The following ZBTB40 variants were observed in gnomAD, a reference collection of about 807,000 sequenced individuals.
The protein encoded by ZBTB40 is zinc finger and BTB domain-containing protein 40.
Under a neutral mutation model 117.5 loss-of-function variants are expected in ZBTB40, and 60 were observed. The ratio of observed to expected loss-of-function variants is 0.51; its 90% CI spans 0.41 to 0.63. The LOEUF (loss-of-function observed/expected upper bound fraction) is 0.63. ZBTB40 is among the 30% of genes least tolerant of loss of function. ZBTB40 has a pLI of 0.00. For missense variants in ZBTB40, 1,287 were observed against 1,498.5 expected (o/e 0.86, Z 2.33); for synonymous variants, 525 against 577.1 (o/e 0.91, Z 1.29).
At chr1:22,437,847 C>A (rs779830388) in intron 1 of ZBTB40, among the ~76,000 whole-genome samples, 1 of 131,402 alleles carries the variant, frequency 7.6e-6, no homozygotes, top group Non-Finnish European at 1.6e-5. Flanking sequence ...AAACTCTGGT[C>A]GGGTGTGGTG....
chr1:22,476,082 C>T (rs1290936458), intron 1 of ZBTB40, among the ~76,000 whole-genome samples: 1 of 152,128 alleles, frequency 6.6e-6, no homozygotes, highest in African/African-American at 2.4e-5. Flanking sequence ...ATTTAAGCAA[C>T]GTAGATTGAG....
intron 1 of ZBTB40, among the ~76,000 whole-genome samples, chr1:22,431,305 A>G (rs1285744180): frequency 6.8e-5 from 10 of 146,076 alleles, no homozygotes; most frequent in African/African-American, 2.5e-4. Context: ...TATATTGAAT[A>G]TACAGTATAT....
Position 22,431,064 on chromosome 1 carries a change from T to C in ZBTB40, c.-70+2050T>C, listed in dbSNP as rs11587788. Among the ~76,000 whole-genome samples, 1,278 of 151,984 alleles carry C rather than the reference T, an allele frequency of 8.4e-3. 6 individuals are homozygous for C. Among genetic ancestry groups the C allele is most frequent in the Non-Finnish European group, 0.014 (947 of 67,960 alleles). ...TTAATTGTTCAAATGTTCTGTATCC[T>C]TGCTTTTGTTCTCTCTTCTTTATCA... On this transcript the variant is annotated intron_variant, in intron 1 of 8. Transcript: ENST00000650433.
At chr1:22,524,104 T>C in intron 16 of ZBTB40, 114 bp from the exon 17 acceptor site, 1 of 1,034,908 alleles carries the variant, frequency 9.7e-7, no homozygotes, top group Non-Finnish European at 1.5e-6. Context: ...TGGATCCGCC[T>C]CCAAGCCTCG....
intron 1 of ZBTB40, among the ~76,000 whole-genome samples, chr1:22,446,000 A>G (rs1208223946): frequency 6.6e-6 from 1 of 152,234 alleles, no homozygotes; most frequent in African/African-American, 2.4e-5. Context: ...GTGAATTAAC[A>G]TGCTAAGAAC....
intron 2 of ZBTB40, among the ~76,000 whole-genome samples, chr1:22,491,161 C>T (rs182001688): frequency 2.8e-4 from 43 of 152,312 alleles, no homozygotes; most frequent in African/African-American, 9.9e-4. Flanking sequence ...TCCCAAAGTG[C>T]TGGGATTACA....
intron 3 of ZBTB40, among the ~76,000 whole-genome samples, chr1:22,492,614 A>G (rs1386710526): frequency 6.6e-6 from 1 of 152,236 alleles, no homozygotes; most frequent in African/African-American, 2.4e-5. Flanking sequence ...CAAGTAATAC[A>G]TGCCTTCTAA....
At chr1:22,466,284 G>A (rs1332443220) in intron 1 of ZBTB40, among the ~76,000 whole-genome samples, 3 of 152,182 alleles carry the variant, frequency 2.0e-5, no homozygotes, top group Admixed American at 6.5e-5. Context: ...CCATTCATAA[G>A]TTGATGGACA....
intron 1 of ZBTB40, among the ~76,000 whole-genome samples, chr1:22,467,086 T>G (rs1183317751): frequency 6.6e-6 from 1 of 152,200 alleles, no homozygotes; most frequent in Non-Finnish European, 1.5e-5. Context: ...TTAATACTAT[T>G]GCTGCGAATA....
At position 22,512,905 on chromosome 1, in the gene ZBTB40, G is replaced by A. The variant is rs1299733774; in HGVS notation, c.2462-19G>A. The A allele has an allele frequency of 6.2e-7, 1 of 1,613,872 alleles. No homozygotes were observed. The highest frequency in any genetic ancestry group is 1.7e-5 in the Admixed American group (1 of 60,020). ...TTAGTAGCATCTCTTCTGGCCTCTGGTGTGCTTGGCTTCCCTAGGCATGCA... is the reference window on the plus strand; with the variant it reads ...TTAGTAGCATCTCTTCTGGCCTCTGATGTGCTTGGCTTCCCTAGGCATGCA... On this transcript the variant is annotated intron_variant, in intron 11 of 17. Coordinates refer to ENST00000375647, the MANE Select transcript of ZBTB40 (RefSeq NM_014870.4).
chr1:22,489,970 C>T lies in ZBTB40; in HGVS notation c.22C>T (p.Arg8Trp), dbSNP rs376238380. Residue 8 changes from arginine (R) to tryptophan (W), a missense_variant, in exon 2 of 18, where the codon CGG becomes TGG. Arg to Trp is a moderately radical substitution (Grantham distance 101). This residue lies in a region of ZBTB40 where 870 missense variants were observed against 934.4 expected (regional missense o/e 0.93). Transcript: ENST00000375647. ...CGCAATGGAGCTCCCCAACTACAGC[C>T]GGCAGCTGCTGCAGCAGCTGTACAC... MELPNYSRQLLQQLYTLC... is the reference protein window; with the variant it reads MELPNYSWQLLQQLYTLC... 1.5e-5 allele frequency: 24 copies of T among 1,612,358 alleles called. No homozygotes were observed. Among genetic ancestry groups the T allele is most frequent in the African/African-American group, 2.7e-5 (2 of 74,864 alleles).
chr1:22,524,690 T>C (rs1021677648), intron 17 of ZBTB40, among the ~76,000 whole-genome samples: 5 of 152,178 alleles, frequency 3.3e-5, no homozygotes, highest in African/African-American at 9.7e-5. Context: ...CTCCTCCCAG[T>C]GCATACGTCC....
chr1:22,458,435 C>T (rs1641054606), intron 1 of ZBTB40, among the ~76,000 whole-genome samples: 1 of 152,200 alleles, frequency 6.6e-6, no homozygotes, highest in Non-Finnish European at 1.5e-5. Context: ...TTCATCCTTT[C>T]TGGGGCCAGT....
At chr1:22,517,867 G>A (rs533899391) in intron 13 of ZBTB40, among the ~76,000 whole-genome samples, 6 of 152,144 alleles carry the variant, frequency 3.9e-5, no homozygotes, top group Admixed American at 6.5e-5. Context: ...GTCTACCATC[G>A]TAAGTGAGCC....
intron 1 of ZBTB40, among the ~76,000 whole-genome samples, chr1:22,471,574 T>C (rs927628093): frequency 6.6e-6 from 1 of 152,256 alleles, no homozygotes; most frequent in African/African-American, 2.4e-5. Context: ...GTGTGGAACG[T>C]GCTTAGCACA....
Position 22,513,992 on chromosome 1 carries a change from C to T in ZBTB40, c.2668+862C>T, listed in dbSNP as rs555511614. 1.6e-4 allele frequency among the ~76,000 whole-genome samples: 25 copies of T among 152,312 alleles called. No individual in the cohort carries two copies. Among genetic ancestry groups the T allele is most frequent in the South Asian group, 1.5e-3 (7 of 4,822 alleles). ...CCGTGGATCAGACAGTGGCAGATGC[C>T]GAGTGGCTGAGCTGGGATTCCTGTG... On this transcript the variant is annotated intron_variant, in intron 12 of 17. Coordinates refer to ENST00000375647, the MANE Select transcript of ZBTB40 (RefSeq NM_014870.4). This position sits in a 1 kb window ranked among gnomAD's most constrained non-coding sequence, Gnocchi z 4.9.
At chr1:22,439,015 C>A (rs892233281) in intron 1 of ZBTB40, among the ~76,000 whole-genome samples, 2 of 151,988 alleles carry the variant, frequency 1.3e-5, no homozygotes, top group Non-Finnish European at 2.9e-5. Flanking sequence ...CCACAGGTGC[C>A]CACCACCACG....
At chr1:22,517,593 T>C (rs1639407466) in intron 13 of ZBTB40, 129 bp downstream of exon 13, 2 of 1,131,204 alleles carry the variant, frequency 1.8e-6, no homozygotes, top group Admixed American at 2.7e-5. Flanking sequence ...CCTGTTCCGC[T>C]GCAAAACCCA....
intron 13 of ZBTB40, among the ~76,000 whole-genome samples, chr1:22,519,398 G>A (rs948770840): frequency 2.8e-4 from 43 of 152,292 alleles, no homozygotes; most frequent in African/African-American, 9.4e-4. Context: ...TTGTTACTCA[G>A]TTCAGCCATT....
Sources: gnomAD v4.1 joint callset for allele counts (sites outside exome capture counted in the v4.1 genomes callset) on GRCh38, gnomAD v4.1.1 for gene constraint, gnomAD v4.1.1 regional missense constraint, Gnocchi (gnomAD v3.1) non-coding constraint, MANE v1.5 for transcripts, NCBI Gene and HGNC (gene_info 2026-07-23, HGNC 2026-07-21) for gene names.